Variants in ASCC3 observed in about 807,000 individuals in gnomAD.
The protein encoded by ASCC3 is ASC-1 complex subunit P200.
A neutral mutation model predicts 256.3 loss-of-function variants in ASCC3; 158 were observed. The observed-to-expected ratio is 0.62, with a 90% CI of 0.54 to 0.70. ASCC3 has a LOEUF of 0.70. ASCC3 is among the 30% of genes least tolerant of loss of function. The pLI is 0.00. For missense variants in ASCC3, 2,259 were observed against 2,626.0 expected, an observed-to-expected ratio of 0.86 and a Z score of 3.05; for synonymous variants, 948 against 883.4, an observed-to-expected ratio of 1.07 and a Z score of -1.30.
chr6:100,627,757 T>C (rs1582590495), intron 28 of ASCC3, 47 bp from the exon 29 acceptor site: 2 of 1,606,556 alleles, frequency 1.2e-6, no homozygotes, highest in East Asian at 4.5e-5. Flanking sequence ...TTATATTGAA[T>C]TTTATAAGGT....
intron 4 of ASCC3, among the ~76,000 whole-genome samples, chr6:100,823,016 A>G (rs1771128521): frequency 6.6e-6 from 1 of 152,172 alleles, no homozygotes; most frequent in South Asian, 2.1e-4. Flanking sequence ...ACAAAAAAGC[A>G]CATTATTTTT....
intron 34 of ASCC3, among the ~76,000 whole-genome samples, chr6:100,592,880 T>C (rs1772078755): frequency 6.6e-6 from 1 of 152,120 alleles, no homozygotes; most frequent in African/African-American, 2.4e-5. Flanking sequence ...ACTGTTTAAT[T>C]ATGGGTAAAG....
intron 10 of ASCC3, among the ~76,000 whole-genome samples, chr6:100,732,271 A>G (rs759583365): frequency 4.6e-5 from 7 of 152,126 alleles, no homozygotes; most frequent in Non-Finnish European, 7.4e-5. Flanking sequence ...CACAAAAAAG[A>G]CTCAAAATAA....
At chr6:100,773,502 T>A (rs1396389226) in intron 8 of ASCC3, among the ~76,000 whole-genome samples, 1 of 152,192 alleles carries the variant, frequency 6.6e-6, no homozygotes, top group Non-Finnish European at 1.5e-5. Context: ...TAAACAATTG[T>A]TATCTTTACT....
In ASCC3 at chr6:100,509,964, G is replaced by A. The variant is rs2114597180; in HGVS notation, c.6429C>T (p.Ser2143=). The A allele has an allele frequency of 4.3e-6, 7 of 1,613,708 alleles. No homozygotes were observed. The highest frequency in any genetic ancestry group is 5.9e-6 in the Non-Finnish European group (7 of 1,179,890). The change falls in exon 41 of 42, where the codon TCC becomes TCT. Residue 2143 remains serine, a synonymous_variant. Coordinates refer to ENST00000369162, the MANE Select transcript of ASCC3 (RefSeq NM_006828.4). ...VGYIRNHHVA[S]LSFYTPEIPG... ...GTATTTCAGGGGTATAAAAAGAAAGGGAAGCAACATGATGATTTCGAATAT... is the reference window on the plus strand; with the variant it reads ...GTATTTCAGGGGTATAAAAAGAAAGAGAAGCAACATGATGATTTCGAATAT...
chr6:100,716,688 A>T (rs954559623), intron 12 of ASCC3, among the ~76,000 whole-genome samples: 1 of 151,970 alleles, frequency 6.6e-6, no homozygotes, highest in Non-Finnish European at 1.5e-5. Flanking sequence ...ATTATTCCAA[A>T]TTAGACATAA....
intron 14 of ASCC3, among the ~76,000 whole-genome samples, chr6:100,672,014 T>A (rs1025239185): frequency 6.6e-6 from 1 of 152,056 alleles, no homozygotes; most frequent in African/African-American, 2.4e-5. Context: ...CATGTTTTTA[T>A]GTCAGCCTTT....
chr6:100,636,928 C>T (rs974824065), intron 25 of ASCC3, among the ~76,000 whole-genome samples: 8 of 152,114 alleles, frequency 5.3e-5, no homozygotes, highest in Non-Finnish European at 8.8e-5. Context: ...AAGAATTCAC[C>T]TCTATGAAGT....
intron 33 of ASCC3, 129 bp downstream of exon 33, chr6:100,605,439 A>G (rs1772833148): frequency 2.9e-6 from 2 of 693,672 alleles, no homozygotes; most frequent in Non-Finnish European, 4.8e-6. Context: ...TGATAATTAT[A>G]TTGTTTCACA....
chr6:100,840,803 CAGAT>C (rs1027996180), intron 4 of ASCC3, among the ~76,000 whole-genome samples: 7 of 151,800 alleles, frequency 4.6e-5, no homozygotes, highest in Admixed American at 1.3e-4. Context: ...GGTGGGTTCA[CAGAT>C]GATATAGTTC....
At chr6:100,737,465 T>A (rs1472437770) in intron 10 of ASCC3, among the ~76,000 whole-genome samples, 1 of 152,004 alleles carries the variant, frequency 6.6e-6, no homozygotes, top group Non-Finnish European at 1.5e-5. Context: ...GACTTATAAG[T>A]GAGAATAGGT....
chr6:100,609,583 T>C (rs904313180), intron 30 of ASCC3, among the ~76,000 whole-genome samples: 8 of 152,106 alleles, frequency 5.3e-5, no homozygotes, highest in African/African-American at 1.4e-4. Context: ...GCAAATCTTA[T>C]TTTCTTACAA....
intron 1 of ASCC3, among the ~76,000 whole-genome samples, chr6:100,875,916 A>T (rs911445766): frequency 2.6e-5 from 4 of 152,234 alleles, no homozygotes; most frequent in Non-Finnish European, 4.4e-5. Flanking sequence ...TCTTTCAAGA[A>T]AATGAGAAAG....
Position 100,606,863 on chromosome 6 carries a change from A to G in ASCC3, c.4924-3T>C, listed in dbSNP as rs1203557339. On this transcript the variant is annotated splice_region_variant and splice_polypyrimidine_tract_variant and intron_variant, in intron 31 of 41. Coordinates refer to ENST00000369162, the MANE Select transcript of ASCC3 (RefSeq NM_006828.4). ...AATGTGCTTGTAGCAATAAGAACCT[A>G]AAAAGCAAAATAAAATATCTTATAT... The G allele has an allele frequency of 6.2e-7, 1 of 1,611,156 alleles. No individual in the cohort carries two copies. Among genetic ancestry groups the G allele is most frequent in the Non-Finnish European group, 8.5e-7 (1 of 1,178,714 alleles).
In ASCC3 at chr6:100,863,009, A is replaced by C. The variant is rs141013173; in HGVS notation, c.241+1055T>G. Among the ~76,000 whole-genome samples, 230 of 152,332 alleles carry C rather than the reference A, an allele frequency of 1.5e-3. 3 individuals are homozygous for C. Among genetic ancestry groups the C allele is most frequent in the Admixed American group, 0.014 (216 of 15,302 alleles). On this transcript the variant is annotated intron_variant, in intron 3 of 41. Coordinates refer to ENST00000369162, the MANE Select transcript of ASCC3 (RefSeq NM_006828.4). ...GAAGTTGAAGACAGACGTGTTTGAC[A>C]CAGTAATGAAGGCAAGAATGAAGTG...
chr6:100,730,942 A>G (rs2115049384), intron 10 of ASCC3, among the ~76,000 whole-genome samples: 1 of 152,360 alleles, frequency 6.6e-6, no homozygotes, highest in African/African-American at 2.4e-5. Flanking sequence ...GCTTTCAATT[A>G]CAAAATAAAA....
rs564774036 is a variant in ASCC3 at position 100,849,660 on chromosome 6, T to TA, written c.242-954dup. ...TTTTCTCATATCCAATTTTCTCAAA[T>TA]AAAAAAAAGAATCTGTATTTCTGAC... On this transcript the variant is annotated intron_variant, in intron 3 of 41. Transcript: ENST00000369162. Among the ~76,000 whole-genome samples the TA allele has an allele frequency of 5.9e-5, 9 of 151,746 alleles. No individual in the cohort carries two copies. The East Asian group carries it at 1.7e-3, about 29-fold the overall frequency.
intron 36 of ASCC3, among the ~76,000 whole-genome samples, chr6:100,558,071 GAA>G (rs61091826): frequency 1.9e-4 from 24 of 129,560 alleles, no homozygotes; most frequent in African/African-American, 5.5e-4. Flanking sequence ...TCACTTCTTT[GAA>G]AAAAAAAAAA....
intron 1 of ASCC3, among the ~76,000 whole-genome samples, chr6:100,880,366 G>T (rs1288674503): frequency 6.6e-6 from 1 of 152,178 alleles, no homozygotes; most frequent in Non-Finnish European, 1.5e-5. Context: ...CCTAGGGAAA[G>T]AAAGAAAATG....
Sources: gnomAD v4.1 joint callset for allele counts (sites outside exome capture counted in the v4.1 genomes callset) on GRCh38, gnomAD v4.1.1 for gene constraint, MANE v1.5 for transcripts, NCBI Gene and HGNC (gene_info 2026-07-23, HGNC 2026-07-21) for gene names.